Variants in MACROD2 observed in about 807,000 individuals in gnomAD.
The protein encoded by MACROD2 is ADP-ribose glycohydrolase MACROD2.
A neutral mutation model predicts 70.4 loss-of-function variants in MACROD2; 36 were observed. The observed-to-expected ratio is 0.51, with a 90% CI of 0.39 to 0.68. MACROD2 has a LOEUF of 0.68. Ranked by LOEUF, MACROD2 falls within the 30% of genes least tolerant of loss-of-function variation. The pLI is 0.00. For missense variants in MACROD2, 496 were observed against 538.4 expected (o/e 0.92, Z 0.78); for synonymous variants, 172 against 178.8 (o/e 0.96, Z 0.30).
chr20:15,795,423 G>A (rs2063663908), intron 8 of MACROD2, among the ~76,000 whole-genome samples: 1 of 152,034 alleles, frequency 6.6e-6, no homozygotes, highest in Non-Finnish European at 1.5e-5. Context: ...CATTTGATTT[G>A]GGCGTTTGAG....
chr20:14,484,899 T>C (rs2084704778), intron 3 of MACROD2, among the ~76,000 whole-genome samples: 1 of 152,240 alleles, frequency 6.6e-6, no homozygotes, highest in African/African-American at 2.4e-5. Flanking sequence ...CTGCAACAAA[T>C]ACAAAAGTGC....
At chr20:15,719,529 C>T (rs1265061217) in intron 8 of MACROD2, among the ~76,000 whole-genome samples, 1 of 152,132 alleles carries the variant, frequency 6.6e-6, no homozygotes, top group East Asian at 1.9e-4. Context: ...CAGAAATGAC[C>T]AATTTTAACT....
intron 5 of MACROD2, among the ~76,000 whole-genome samples, chr20:14,844,748 C>A (rs1336115656): frequency 6.6e-6 from 1 of 151,994 alleles, no homozygotes; most frequent in African/African-American, 2.4e-5. Flanking sequence ...CAATCCAAGA[C>A]AACTAACTAT....
intron 3 of MACROD2, among the ~76,000 whole-genome samples, chr20:14,401,598 T>G (rs895948371): frequency 6.6e-6 from 1 of 152,198 alleles, no homozygotes; most frequent in African/African-American, 2.4e-5. Flanking sequence ...ATCCAATCAG[T>G]GTGTTTATTC....
chr20:15,584,736 G>T (rs1008349896), intron 8 of MACROD2, among the ~76,000 whole-genome samples: 4 of 152,140 alleles, frequency 2.6e-5, no homozygotes, highest in Non-Finnish European at 4.4e-5. Context: ...CCTTCCCGTG[G>T]GCCACAGCAG....
chr20:14,345,084 G>A (rs1403205355), intron 3 of MACROD2, among the ~76,000 whole-genome samples: 2 of 152,170 alleles, frequency 1.3e-5, no homozygotes, highest in Admixed American at 1.3e-4. Flanking sequence ...TTAAATGTTT[G>A]CTGCCAAAAA....
chr20:14,972,262 G>T (rs576974534), intron 5 of MACROD2, among the ~76,000 whole-genome samples: 6 of 152,292 alleles, frequency 3.9e-5, no homozygotes, highest in African/African-American at 9.6e-5. Context: ...GTGGAGAAAG[G>T]CTTCTCTTGA....
chr20:15,583,055 A>G (rs1357777588), intron 8 of MACROD2, among the ~76,000 whole-genome samples: 1 of 152,036 alleles, frequency 6.6e-6, no homozygotes, highest in Non-Finnish European at 1.5e-5. Flanking sequence ...GAGAAAAAAA[A>G]AATAAGTGCA....
At chr20:14,832,786 G>A (rs568076480) in intron 5 of MACROD2, among the ~76,000 whole-genome samples, 5 of 152,230 alleles carry the variant, frequency 3.3e-5, no homozygotes, top group Middle Eastern at 3.4e-3. Context: ...CAGTTTACTT[G>A]ACTTGTTTAT....
intron 3 of MACROD2, among the ~76,000 whole-genome samples, chr20:14,344,452 T>C (rs2122672880): frequency 6.6e-6 from 1 of 152,338 alleles, no homozygotes; most frequent in African/African-American, 2.4e-5. Context: ...AAATATGTTA[T>C]ATATTAACTA....
intron 8 of MACROD2, among the ~76,000 whole-genome samples, chr20:15,535,606 T>C (rs1298816638): frequency 6.6e-6 from 1 of 152,210 alleles, no homozygotes; most frequent in Non-Finnish European, 1.5e-5. Context: ...GCCTTGACTG[T>C]ATCACGAAGA....
At chr20:15,493,156 C>T (rs1039689120) in intron 7 of MACROD2, among the ~76,000 whole-genome samples, 10 of 152,196 alleles carry the variant, frequency 6.6e-5, no homozygotes, top group East Asian at 3.9e-4. Flanking sequence ...TTGTGAGTTT[C>T]GCCTGGACAT....
At chr20:15,767,945 A>G (rs1457547615) in intron 8 of MACROD2, among the ~76,000 whole-genome samples, 1 of 152,126 alleles carries the variant, frequency 6.6e-6, no homozygotes, top group Non-Finnish European at 1.5e-5. Flanking sequence ...TTTGAAATTG[A>G]AAACCTGAAA....
intron 2 of MACROD2, among the ~76,000 whole-genome samples, chr20:14,013,782 C>A (rs2260760): frequency 0.92 from 137,733 of 149,034 alleles, 63,709 homozygotes; most frequent in East Asian, 1. Context: ...TCCTGGGTTC[C>A]AGCAGTTCTC....
chr20:14,201,768 G>C (rs914781459), intron 3 of MACROD2, among the ~76,000 whole-genome samples: 1 of 151,842 alleles, frequency 6.6e-6, no homozygotes, highest in Non-Finnish European at 1.5e-5. Context: ...GAGCCCAGGA[G>C]GTGGAGGTTG....
In MACROD2 at chr20:15,444,832, G is replaced by A. The variant is rs77896721; in HGVS notation, c.571+13397G>A. 6.3e-4 allele frequency among the ~76,000 whole-genome samples: 96 copies of A among 151,968 alleles called. 1 individual carries two copies. The highest frequency in any genetic ancestry group is 1.1e-3 in the Non-Finnish European group (78 of 67,844). On this transcript the variant is annotated intron_variant, in intron 7 of 17. Transcript: ENST00000684519. Reference sequence around the variant, plus strand: ...TAGTATGAGGTTAATAATGTAAAATGAGGTTAATAATGAGGTTCATATAGG... The same window carrying A: ...TAGTATGAGGTTAATAATGTAAAATAAGGTTAATAATGAGGTTCATATAGG...
At position 15,933,339 on chromosome 20, in the gene MACROD2, G is replaced by C; in HGVS notation, c.838+1G>C. The stretch of plus-strand genomic sequence containing the variant: ...ATGGAAGAGCAGAGCCAAGATGCAG[G>C]TAGGCTCAGATTTCTTTTGAGAAGT... On this transcript the variant is annotated splice_donor_variant, in intron 11 of 17. Coordinates refer to ENST00000684519, the MANE Select transcript of MACROD2 (RefSeq NM_001351661.2). LOFTEE classifies it high-confidence loss of function. The C allele has an allele frequency of 6.2e-7, 1 of 1,612,936 alleles. No homozygotes were observed. The highest frequency in any genetic ancestry group is 8.5e-7 in the Non-Finnish European group (1 of 1,179,322).
chr20:15,834,563 A>G (rs2064092002), intron 8 of MACROD2, among the ~76,000 whole-genome samples: 1 of 151,976 alleles, frequency 6.6e-6, no homozygotes, highest in Non-Finnish European at 1.5e-5. Flanking sequence ...CTTGCATCTC[A>G]TCATATACAA....
intron 6 of MACROD2, among the ~76,000 whole-genome samples, chr20:15,391,731 G>A (rs556562663): frequency 2.0e-5 from 3 of 152,266 alleles, no homozygotes; most frequent in South Asian, 4.1e-4. Flanking sequence ...TGGAAACTAT[G>A]TAGAATTGTC....
Sources: allele counts gnomAD v4.1 joint callset (sites outside exome capture counted in the v4.1 genomes callset), GRCh38; gene constraint gnomAD v4.1.1; transcripts MANE v1.5; gene names NCBI Gene and HGNC (gene_info 2026-07-23, HGNC 2026-07-21).